PRKN: variants seen among roughly 807,000 people sequenced by gnomAD.
PRKN encodes the protein parkin RBR E3 ubiquitin protein ligase.
In PRKN, 56 loss-of-function variants were observed where a neutral mutation model predicts 59.5. That is an observed-to-expected ratio of 0.94 (90% confidence interval 0.76 to 1.18). PRKN has a LOEUF of 1.18. Among genes scored for constraint, PRKN ranks in the 50% most tolerant of loss-of-function variants. The pLI, the probability that PRKN is intolerant of heterozygous loss-of-function variation, is 0.00. For missense variants in PRKN, 657 were observed against 596.4 expected, an observed-to-expected ratio of 1.10 and a Z score of -1.06; for synonymous variants, 250 against 222.1, an observed-to-expected ratio of 1.13 and a Z score of -1.12.
intron 1 of PRKN, among the ~76,000 whole-genome samples, chr6:162,523,005 C>T (rs1333460907): frequency 6.6e-6 from 1 of 152,172 alleles, no homozygotes; most frequent in Non-Finnish European, 1.5e-5. Context: ...TTACCAGCAT[C>T]GAAACCTTGG....
chr6:161,707,153 G>A (rs962314973), intron 7 of PRKN, among the ~76,000 whole-genome samples: 2 of 152,096 alleles, frequency 1.3e-5, no homozygotes, highest in Non-Finnish European at 2.9e-5. Flanking sequence ...TAATTTCCAA[G>A]GGGATATTAT....
chr6:161,743,523 A>C (rs1014540553), intron 7 of PRKN, among the ~76,000 whole-genome samples: 3 of 151,844 alleles, frequency 2.0e-5, no homozygotes, highest in Non-Finnish European at 2.9e-5. Context: ...TGCTGGGATT[A>C]CAGGCACGAG....
intron 6 of PRKN, among the ~76,000 whole-genome samples, chr6:161,908,281 C>T (rs1315758991): frequency 6.6e-6 from 1 of 152,142 alleles, no homozygotes; most frequent in Non-Finnish European, 1.5e-5. Flanking sequence ...CTAGAGAGGT[C>T]CTAGTCTGAA....
intron 3 of PRKN, among the ~76,000 whole-genome samples, chr6:162,248,280 A>G (rs1473639877): frequency 6.6e-6 from 1 of 152,194 alleles, no homozygotes; most frequent in Non-Finnish European, 1.5e-5. Flanking sequence ...TGTCCATTAT[A>G]TATATGTTCT....
At chr6:162,016,932 A>C (rs942752878) in intron 5 of PRKN, among the ~76,000 whole-genome samples, 5 of 152,050 alleles carry the variant, frequency 3.3e-5, no homozygotes, top group Admixed American at 6.6e-5. Flanking sequence ...CACCTTCCGA[A>C]ACCTCACACA....
intron 2 of PRKN, among the ~76,000 whole-genome samples, chr6:162,421,603 C>A (rs1282362127): frequency 6.6e-6 from 1 of 152,158 alleles, no homozygotes; most frequent in East Asian, 1.9e-4. Flanking sequence ...TCTATTAACT[C>A]AGGATGGCTA....
intron 7 of PRKN, among the ~76,000 whole-genome samples, chr6:161,656,092 T>C (rs1033929205): frequency 6.6e-6 from 1 of 152,200 alleles, no homozygotes. Context: ...CTGTGGCAGC[T>C]CGGGTAACTT....
rs570401012 is a variant in PRKN at position 162,284,316 on chromosome 6, T to A, written c.172-21551A>T. On this transcript the variant is annotated intron_variant, in intron 2 of 11. Coordinates refer to ENST00000366898, the MANE Select transcript of PRKN (RefSeq NM_004562.3). ...CTCGGCTCACTGCAACGTCCACCTCTCGGGTTCAAGTGATTCTCTTGCCTC... is the reference window on the plus strand; with the variant it reads ...CTCGGCTCACTGCAACGTCCACCTCACGGGTTCAAGTGATTCTCTTGCCTC... Among the ~76,000 whole-genome samples, 4 of 143,034 alleles carry A rather than the reference T, an allele frequency of 2.8e-5. No homozygotes were observed. The South Asian group carries it at 9.6e-4, about 34-fold the overall frequency. The allele number at this position is 143,034 out of a possible 152,430, so 93.8% of individuals were successfully genotyped here.
At chr6:162,615,587 C>A (rs1448601735) in intron 1 of PRKN, among the ~76,000 whole-genome samples, 2 of 152,168 alleles carry the variant, frequency 1.3e-5, no homozygotes, top group East Asian at 1.9e-4. Context: ...CCTAGCAACT[C>A]TTCTTCGGGT....
chr6:162,283,234 G>C (rs1179257326), intron 2 of PRKN, among the ~76,000 whole-genome samples: 1 of 152,010 alleles, frequency 6.6e-6, no homozygotes, highest in East Asian at 1.9e-4. Flanking sequence ...TTTGAGAAAA[G>C]AAAAATATAT....
At chr6:161,500,111 C>T (rs1433053066) in intron 9 of PRKN, among the ~76,000 whole-genome samples, 1 of 152,154 alleles carries the variant, frequency 6.6e-6, no homozygotes, top group Non-Finnish European at 1.5e-5. Context: ...TATCTAAAGT[C>T]AGTTGTGTCA....
rs899000114 is a variant in PRKN, at chr6:161,776,055, T to C, written c.871+9717A>G. Reference sequence around the variant, plus strand: ...TAATGGTGAGGCTGATGGCATTTCATAGGGAAGGTGGGAAACTACTTCCTC... The same window carrying C: ...TAATGGTGAGGCTGATGGCATTTCACAGGGAAGGTGGGAAACTACTTCCTC... On this transcript the variant is annotated intron_variant, in intron 7 of 11. Transcript: ENST00000366898. 2.6e-5 allele frequency among the ~76,000 whole-genome samples: 4 copies of C among 152,178 alleles called. No individual in the cohort carries two copies. The East Asian group carries it at 7.7e-4, about 29-fold the overall frequency.
chr6:162,021,102 CA>C (rs375989505), intron 5 of PRKN, among the ~76,000 whole-genome samples: 1 of 82,072 alleles, frequency 1.2e-5, no homozygotes, highest in East Asian at 3.6e-4. Flanking sequence ...GACTCTGTCT[CA>C]AAAAAAAAAC....
chr6:161,802,473 GC>G (rs1322708157), intron 6 of PRKN, among the ~76,000 whole-genome samples: 1 of 136,928 alleles, frequency 7.3e-6, no homozygotes, highest in Non-Finnish European at 1.6e-5. Context: ...ACCCACACAC[GC>G]CCCCCACACA....
Position 161,499,131 on chromosome 6 carries a change from C to T in PRKN, c.1083+49723G>A, listed in dbSNP as rs1777862150. ...CAGGGTCTGGACACACACACACACA[C>T]ATTTTTTTTTTTTTTTTGGCTCACA... On this transcript the variant is annotated intron_variant, in intron 9 of 11. Transcript: ENST00000366898. This position sits in a 1 kb window ranked among gnomAD's most constrained non-coding sequence, Gnocchi z 4.2. 9.6e-6 allele frequency among the ~76,000 whole-genome samples: 1 copy of T among 104,146 alleles called. No homozygotes were observed. The highest frequency in any genetic ancestry group is 3.4e-4 in the South Asian group (1 of 2,980). 68.3% of individuals were successfully genotyped at this position (104,146 alleles called of 152,430 possible).
chr6:161,511,205 G>A (rs193125281), intron 9 of PRKN, among the ~76,000 whole-genome samples: 131 of 152,296 alleles, frequency 8.6e-4, no homozygotes, highest in Non-Finnish European at 1.7e-3. Context: ...GAAGAGATTG[G>A]CCTATGAGGC....
chr6:161,736,912 T>C (rs1366652345), intron 7 of PRKN, among the ~76,000 whole-genome samples: 1 of 152,188 alleles, frequency 6.6e-6, no homozygotes, highest in East Asian at 1.9e-4. Flanking sequence ...GTCTCTGACA[T>C]GGTTTAGTGA....
In PRKN at chr6:162,717,188, T is replaced by C. The variant is rs557558707; in HGVS notation, c.7+10474A>G. ...AGTGATGTGGCCAGGAGCCAAGGAA[T>C]GCCAGCAGCCTCCAGAAGTGAAAGA... is the stretch of plus-strand genomic sequence containing the variant. On this transcript the variant is annotated intron_variant, in intron 1 of 11. Coordinates refer to ENST00000366898, the MANE Select transcript of PRKN (RefSeq NM_004562.3). Among the ~76,000 whole-genome samples the C allele has an allele frequency of 5.9e-5, 9 of 152,258 alleles. No homozygotes were observed. In the South Asian group the frequency reaches 1.7e-3, roughly 28 times the overall value.
intron 2 of PRKN, among the ~76,000 whole-genome samples, chr6:162,374,181 G>T (rs369358277): frequency 2.6e-5 from 4 of 152,148 alleles, no homozygotes; most frequent in African/African-American, 7.2e-5. Flanking sequence ...ATCATGAGGG[G>T]TTAACCAAAA....
Sources: allele counts gnomAD v4.1 joint callset (sites outside exome capture counted in the v4.1 genomes callset), GRCh38; gene constraint gnomAD v4.1.1; non-coding constraint Gnocchi (gnomAD v3.1); transcripts MANE v1.5; gene names NCBI Gene and HGNC (gene_info 2026-07-23, HGNC 2026-07-21).